DMRT1: variants seen among roughly 807,000 people sequenced by gnomAD.
DMRT1 encodes doublesex- and mab-3-related transcription factor 1.
DMRT1 carries 7 observed loss-of-function variants against 32.3 expected under a neutral mutation model. The ratio of observed to expected loss-of-function variants is 0.22; its 90% CI spans 0.12 to 0.41. DMRT1 has a LOEUF of 0.41. DMRT1 is among the 10% of genes least tolerant of loss of function. The probability of loss-of-function intolerance (pLI) is 1.00; values close to 1 mark genes in which losing one functional copy is unlikely to be tolerated. For missense variants in DMRT1, 625 were observed against 500.5 expected, an observed-to-expected ratio of 1.25 and a Z score of -2.37; for synonymous variants, 278 against 206.1, an observed-to-expected ratio of 1.35 and a Z score of -2.99.
At chr9:899,221 C>G (rs778971379) in intron 3 of DMRT1, among the ~76,000 whole-genome samples, 4 of 151,444 alleles carry the variant, frequency 2.6e-5, no homozygotes, top group Non-Finnish European at 4.4e-5. Flanking sequence ...GTATTAAAAC[C>G]AACAACTCCT....
chr9:921,733 T>C (rs914366053), intron 4 of DMRT1, among the ~76,000 whole-genome samples: 6 of 152,090 alleles, frequency 3.9e-5, no homozygotes, highest in African/African-American at 1.4e-4. Flanking sequence ...AATAAAAAAT[T>C]AGCTGGGTTT....
At chr9:864,673 T>C (rs1239572698) in intron 2 of DMRT1, among the ~76,000 whole-genome samples, 2 of 151,844 alleles carry the variant, frequency 1.3e-5, no homozygotes, top group African/African-American at 4.8e-5. Context: ...TAATTTTTTT[T>C]GTATTTTTAG....
intron 3 of DMRT1, among the ~76,000 whole-genome samples, chr9:902,098 T>G (rs1437000236): frequency 6.8e-6 from 1 of 147,382 alleles, no homozygotes; most frequent in African/African-American, 2.5e-5. Context: ...TTAGTCGAGA[T>G]GGGGTTTTGC....
intron 2 of DMRT1, among the ~76,000 whole-genome samples, chr9:891,709 A>T (rs1299262342): frequency 2.0e-5 from 3 of 150,038 alleles, no homozygotes; most frequent in Non-Finnish European, 4.4e-5. Context: ...TATTTTTAGT[A>T]GAGACAGGGT....
At position 889,527 on chromosome 9, in the gene DMRT1, C is replaced by G. The variant is rs780057770; in HGVS notation, c.539-4385C>G. ...GTTAACTAATTACAGTCAGCTGTAACAAAACAAATTATTGCTTTGACCTGA... is the reference window on the plus strand; with the variant it reads ...GTTAACTAATTACAGTCAGCTGTAAGAAAACAAATTATTGCTTTGACCTGA... On this transcript the variant is annotated intron_variant, in intron 2 of 4. Transcript: ENST00000382276. 2.0e-5 allele frequency among the ~76,000 whole-genome samples: 3 copies of G among 152,198 alleles called. No homozygotes were observed. In the East Asian group the frequency reaches 5.8e-4, roughly 29 times the overall value.
rs1220541945 is a variant in DMRT1, at chr9:852,096, C to T, written c.538+4953C>T. Among the ~76,000 whole-genome samples the T allele has an allele frequency of 1.3e-5, 2 of 151,868 alleles. 1 individual carries two copies. The highest frequency in any genetic ancestry group is 1.3e-4 in the Admixed American group (2 of 15,218). ...CTGGGATTACAGGCGATCACCACCA[C>T]CCGTTTAATTTTTGTATTTTAGTAG... On this transcript the variant is annotated intron_variant, in intron 2 of 4. Coordinates refer to ENST00000382276, the MANE Select transcript of DMRT1 (RefSeq NM_021951.3).
At chr9:884,840 C>T (rs193135623) in intron 2 of DMRT1, among the ~76,000 whole-genome samples, 151 of 152,078 alleles carry the variant, frequency 9.9e-4, no homozygotes, top group South Asian at 8.3e-3. Flanking sequence ...CACGGTGGTG[C>T]GCACCTGTAA....
intron 3 of DMRT1, among the ~76,000 whole-genome samples, chr9:915,367 C>T (rs979751889): frequency 6.6e-6 from 1 of 152,134 alleles, no homozygotes; most frequent in African/African-American, 2.4e-5. Flanking sequence ...CAAGTCATAT[C>T]TTCTTAGCTT....
In DMRT1 at chr9:917,580, T is replaced by C. The variant is rs181009371; in HGVS notation, c.967+673T>C. Among the ~76,000 whole-genome samples the C allele has an allele frequency of 8.3e-4, 126 of 152,272 alleles. 1 individual carries two copies. The highest frequency in any genetic ancestry group is 6.7e-3 in the Admixed American group (102 of 15,284). ...TATAGTTAAGCATCCTCTTTTGATGTAGGAAAGTGAGAAACATACACAATA... is the reference window on the plus strand; with the variant it reads ...TATAGTTAAGCATCCTCTTTTGATGCAGGAAAGTGAGAAACATACACAATA... On this transcript the variant is annotated intron_variant, in intron 4 of 4. Coordinates refer to ENST00000382276, the MANE Select transcript of DMRT1 (RefSeq NM_021951.3).
At chr9:966,902 A>G (rs544579706) in intron 4 of DMRT1, among the ~76,000 whole-genome samples, 1 of 152,362 alleles carries the variant, frequency 6.6e-6, no homozygotes, top group Admixed American at 6.5e-5. Context: ...TGCTAATTAC[A>G]TCATAGATTT....
chr9:859,602 C>G (rs1815564303), intron 2 of DMRT1, among the ~76,000 whole-genome samples: 1 of 152,170 alleles, frequency 6.6e-6, no homozygotes, highest in Admixed American at 6.6e-5. Flanking sequence ...TTTTGAGTCT[C>G]CTATGAAAAT....
intron 3 of DMRT1, among the ~76,000 whole-genome samples, chr9:912,566 G>A (rs560032142): frequency 9.2e-5 from 14 of 152,240 alleles, no homozygotes; most frequent in African/African-American, 3.4e-4. Context: ...TTGAAATTGT[G>A]TTTATTTTCC....
intron 4 of DMRT1, among the ~76,000 whole-genome samples, chr9:946,841 G>A (rs1413440203): frequency 6.6e-6 from 1 of 152,154 alleles, no homozygotes; most frequent in African/African-American, 2.4e-5. Context: ...TAATGGGTGT[G>A]TACGTCCAGG....
At chr9:862,065 C>A (rs1282274662) in intron 2 of DMRT1, among the ~76,000 whole-genome samples, 32 of 151,334 alleles carry the variant, frequency 2.1e-4, no homozygotes, top group Non-Finnish European at 4.3e-4. Flanking sequence ...CGATGGGCGG[C>A]CAGGCAGAGA....
intron 2 of DMRT1, among the ~76,000 whole-genome samples, chr9:875,260 A>C (rs1228751395): frequency 6.6e-6 from 1 of 152,136 alleles, no homozygotes; most frequent in Non-Finnish European, 1.5e-5. Context: ...AACCTTGAGA[A>C]TTGTGGGTGA....
At chr9:876,453 C>T (rs1816502797) in intron 2 of DMRT1, among the ~76,000 whole-genome samples, 1 of 152,006 alleles carries the variant, frequency 6.6e-6, no homozygotes, top group Admixed American at 6.5e-5. Flanking sequence ...GACACACTCC[C>T]ATGTGAGTGC....
chr9:845,638 C>G (rs1009245028), intron 1 of DMRT1, among the ~76,000 whole-genome samples: 4 of 152,148 alleles, frequency 2.6e-5, no homozygotes, highest in African/African-American at 9.7e-5. Flanking sequence ...CCTGTCTTCT[C>G]CCTTCCTCCC....
chr9:959,818 G>A lies in DMRT1; in HGVS notation c.968-8167G>A, dbSNP rs10217745. On this transcript the variant is annotated intron_variant, in intron 4 of 4. Transcript: ENST00000382276. Reference sequence around the variant, plus strand: ...GCTAGGATTACAGGCGTGACCCACCGCATCCAGCCACCTTAAACTGGTTTT... The same window carrying A: ...GCTAGGATTACAGGCGTGACCCACCACATCCAGCCACCTTAAACTGGTTTT... Among the ~76,000 whole-genome samples, 717 of 152,198 alleles carry A rather than the reference G, an allele frequency of 4.7e-3. 4 individuals carry two copies. Among genetic ancestry groups the A allele is most frequent in the African/African-American group, 0.016 (671 of 41,528 alleles).
chr9:858,870 A>T (rs10977162), intron 2 of DMRT1, among the ~76,000 whole-genome samples: 7,065 of 46,692 alleles, frequency 0.15, 259 homozygotes, highest in East Asian at 0.32. Flanking sequence ...AAAAAAAAAA[A>T]ATATATATAT....
Sources: allele counts gnomAD v4.1 joint callset (sites outside exome capture counted in the v4.1 genomes callset), GRCh38; gene constraint gnomAD v4.1.1; transcripts MANE v1.5; gene names NCBI Gene and HGNC (gene_info 2026-07-23, HGNC 2026-07-21).